The following CHRM2 variants were observed in gnomAD, a reference collection of about 807,000 sequenced individuals.
CHRM2 encodes the protein cholinergic receptor muscarinic 2, also known as muscarinic acetylcholine receptor M2.
CHRM2 carries 8 observed loss-of-function variants against 25.0 expected under a neutral mutation model. The ratio of observed to expected loss-of-function variants is 0.32; its 90% CI spans 0.19 to 0.58. CHRM2 has a LOEUF of 0.58. Ranked by LOEUF, CHRM2 falls within the 20% of genes least tolerant of loss-of-function variation. The pLI, the probability that CHRM2 is intolerant of heterozygous loss-of-function variation, is 0.88. For missense variants in CHRM2, 440 were observed against 567.1 expected (o/e 0.78, Z 2.28); for synonymous variants, 202 against 205.7 (o/e 0.98, Z 0.15).
At chr7:136,977,332 G>A (rs1042206509) in intron 2 of CHRM2, among the ~76,000 whole-genome samples, 2 of 152,076 alleles carry the variant, frequency 1.3e-5, no homozygotes, top group Admixed American at 1.3e-4. Flanking sequence ...CTCTTCTTAG[G>A]ATTTTATGTC....
At chr7:136,913,083 T>C (rs1257698278) in intron 2 of CHRM2, among the ~76,000 whole-genome samples, 2 of 151,940 alleles carry the variant, frequency 1.3e-5, no homozygotes, top group Non-Finnish European at 2.9e-5. Flanking sequence ...TATTTCATAG[T>C]AAATAAATTT....
chr7:136,946,380 T>C (rs919715768), intron 2 of CHRM2, among the ~76,000 whole-genome samples: 5 of 152,216 alleles, frequency 3.3e-5, no homozygotes, highest in Non-Finnish European at 7.3e-5. Context: ...TAGTAGGAGA[T>C]ACAATGATAC....
Position 137,018,276 on chromosome 7 carries a change from C to G in CHRM2, c.*2010C>G, listed in dbSNP as rs989496987. ...CAGTATTTATATTTGACTTATCCTT[C>G]GTAAAAACAATTTCCTGTTTAAATA... On this transcript the variant is annotated 3_prime_UTR_variant, in exon 4 of 4. Coordinates refer to ENST00000680005, the MANE Select transcript of CHRM2 (RefSeq NM_001006630.2). 1 of 151,746 alleles carries G rather than the reference C, an allele frequency of 6.6e-6. No individual in the cohort carries two copies. Among genetic ancestry groups the G allele is most frequent in the Non-Finnish European group, 1.5e-5 (1 of 67,850 alleles). 9.4% of individuals were successfully genotyped at this position (151,746 alleles called of 1,614,324 possible).
At position 136,949,459 on chromosome 7, in the gene CHRM2, T is replaced by TAAAAAAAAAAAAAAAAAA. The variant is rs386411435; in HGVS notation, c.-124-42726_-124-42709dup. 3.4e-4 allele frequency among the ~76,000 whole-genome samples: 41 copies of TAAAAAAAAAAAAAAAAAA among 120,822 alleles called. No homozygotes were observed. The East Asian group carries it at 3.6e-3, about 11-fold the overall frequency. 79.3% of individuals were successfully genotyped at this position (120,822 alleles called of 152,430 possible). On this transcript the variant is annotated intron_variant, in intron 2 of 3. Transcript: ENST00000680005. ...TAACAAGACCCTGTCTCTGCAAAAC[T>TAAAAAAAAAAAAAAAAAA]AAAAAAAAAAAAAAAAAAATCAGCC...
At chr7:136,912,419 T>C (rs957273617) in intron 2 of CHRM2, among the ~76,000 whole-genome samples, 1 of 151,938 alleles carries the variant, frequency 6.6e-6, no homozygotes, top group Non-Finnish European at 1.5e-5. Flanking sequence ...AACAAAAATA[T>C]TTCTTTGAGA....
intron 2 of CHRM2, among the ~76,000 whole-genome samples, chr7:136,985,284 T>C (rs1802771743): frequency 6.6e-6 from 1 of 152,010 alleles, no homozygotes; most frequent in Non-Finnish European, 1.5e-5. Flanking sequence ...GGCCAAGGTG[T>C]GTAGATCATG....
chr7:136,999,652 A>G (rs1803853821), intron 3 of CHRM2, among the ~76,000 whole-genome samples: 1 of 152,016 alleles, frequency 6.6e-6, no homozygotes, highest in Non-Finnish European at 1.5e-5. Context: ...AAAGCTACTA[A>G]TAGTTAAACA....
intron 2 of CHRM2, among the ~76,000 whole-genome samples, chr7:136,921,464 C>T (rs1798426522): frequency 6.6e-6 from 1 of 152,106 alleles, no homozygotes; most frequent in South Asian, 2.1e-4. Flanking sequence ...GTTGACAGCT[C>T]CCCATTCTTA....
At chr7:136,944,437 T>G (rs997792269) in intron 2 of CHRM2, among the ~76,000 whole-genome samples, 3 of 151,952 alleles carry the variant, frequency 2.0e-5, no homozygotes, top group African/African-American at 7.2e-5. Flanking sequence ...TTGTTCCTTT[T>G]GATGGCTGAG....
intron 3 of CHRM2, among the ~76,000 whole-genome samples, chr7:136,995,549 G>A (rs1033376432): frequency 2.6e-5 from 4 of 152,074 alleles, no homozygotes; most frequent in African/African-American, 4.8e-5. Context: ...AATCACTTGA[G>A]CCCAGGAATT....
Position 137,015,175 on chromosome 7 carries a change from T to G in CHRM2, c.310T>G (p.Tyr104Asp). ...VVCDLWLALDYVVSNASVMNL... is the reference protein window; with the variant it reads ...VVCDLWLALDDVVSNASVMNL... ...GTGTGACCTTTGGCTAGCCCTGGAC[T>G]ATGTGGTCAGCAATGCCTCAGTTAT... Residue 104 changes from tyrosine (Y) to aspartate (D), a missense_variant, in exon 4 of 4, where the codon TAT becomes GAT. Physicochemically the swap from Tyr to Asp is radical, Grantham distance 160. Around this residue, in one of 5 missense-constraint regions of CHRM2, gnomAD observed 86 missense variants for 124.9 expected, o/e 0.69. Transcript: ENST00000680005. This position sits in a 1 kb window ranked among gnomAD's most constrained non-coding sequence, Gnocchi z 5.1. 6.2e-7 allele frequency: 1 copy of G among 1,613,578 alleles called. No homozygotes were observed. Among genetic ancestry groups the G allele is most frequent in the Non-Finnish European group, 8.5e-7 (1 of 1,179,666 alleles).
At chr7:136,888,413 CTGT>C (rs1796555408) in intron 2 of CHRM2, among the ~76,000 whole-genome samples, 1 of 152,132 alleles carries the variant, frequency 6.6e-6, no homozygotes, top group Non-Finnish European at 1.5e-5. Context: ...AGCAGTTGAC[CTGT>C]TGTTGTTGGA....
At chr7:136,953,374 A>C (rs980178633) in intron 2 of CHRM2, among the ~76,000 whole-genome samples, 1 of 152,138 alleles carries the variant, frequency 6.6e-6, no homozygotes, top group African/African-American at 2.4e-5. Flanking sequence ...ATCCTCTATA[A>C]ATTACCAAAA....
chr7:136,992,513 A>C (rs568794245), intron 3 of CHRM2, among the ~76,000 whole-genome samples: 2 of 152,288 alleles, frequency 1.3e-5, no homozygotes, highest in East Asian at 3.9e-4. Flanking sequence ...ATTCCAAATC[A>C]AGTTGATTCA....
chr7:136,899,646 T>G (rs1797092943), intron 2 of CHRM2: 1 of 152,096 alleles, frequency 6.6e-6, no homozygotes, highest in South Asian at 2.1e-4. Context: ...ACTATTCCAC[T>G]ACTCTCTTTA....
chr7:136,970,372 T>C (rs753940450), intron 2 of CHRM2, among the ~76,000 whole-genome samples: 3 of 152,238 alleles, frequency 2.0e-5, no homozygotes, highest in Non-Finnish European at 2.9e-5. Flanking sequence ...CCTTCATGAC[T>C]TCCTTCCAAG....
chr7:136,950,664 G>GA (rs1800354930), intron 2 of CHRM2, among the ~76,000 whole-genome samples: 1 of 152,084 alleles, frequency 6.6e-6, no homozygotes, highest in Admixed American at 6.5e-5. Flanking sequence ...AACAAAAAAA[G>GA]AAAAAGAAAA....
intron 2 of CHRM2, among the ~76,000 whole-genome samples, chr7:136,875,160 T>TTATATATATATA (rs370257300): frequency 6.8e-6 from 1 of 147,682 alleles, no homozygotes; most frequent in East Asian, 2.0e-4. Context: ...CACATGAATT[T>TTATATATATATA]TATATATATA....
chr7:136,998,451 C>T (rs557399422), intron 3 of CHRM2, among the ~76,000 whole-genome samples: 6 of 152,202 alleles, frequency 3.9e-5, no homozygotes, highest in African/African-American at 7.2e-5. Flanking sequence ...CTAAGGGAGA[C>T]GTGAGTGACA....
Sources: gnomAD v4.1 joint callset for allele counts (sites outside exome capture counted in the v4.1 genomes callset) on GRCh38, gnomAD v4.1.1 for gene constraint, gnomAD v4.1.1 regional missense constraint, Gnocchi (gnomAD v3.1) non-coding constraint, MANE v1.5 for transcripts, NCBI Gene and HGNC (gene_info 2026-07-23, HGNC 2026-07-21) for gene names.